The following ASB2 variants were observed in gnomAD, a reference collection of about 807,000 sequenced individuals.
ASB2 encodes ankyrin repeat and SOCS box protein 2.
A neutral mutation model predicts 62.4 loss-of-function variants in ASB2; 58 were observed. That is an observed-to-expected ratio of 0.93 (90% CI 0.75 to 1.16). ASB2 has a LOEUF of 1.16. ASB2 is among the 50% of genes most tolerant of loss of function. ASB2 has a pLI of 0.00. For missense variants in ASB2, 928 were observed against 887.9 expected, an observed-to-expected ratio of 1.05 and a Z score of -0.57; for synonymous variants, 386 against 385.3, an observed-to-expected ratio of 1.00 and a Z score of -0.02.
intron 7 of ASB2, chr14:93,942,081 C>T (rs780953420): frequency 3.6e-5 from 16 of 438,672 alleles, no homozygotes; most frequent in East Asian, 7.1e-5. Context: ...GGAGCGGCCA[C>T]GTTGGTAGCC....
intron 6 of ASB2, 41 bp downstream of exon 6, chr14:93,950,958 C>G (rs550700901): frequency 5.7e-6 from 9 of 1,588,468 alleles, no homozygotes; most frequent in Admixed American, 1.7e-5. Context: ...TCCCGTGTGC[C>G]CTTTGGGGAC....
intron 9 of ASB2, among the ~76,000 whole-genome samples, chr14:93,936,236 G>A (rs924656047): frequency 1.3e-5 from 2 of 152,236 alleles, no homozygotes; most frequent in African/African-American, 4.8e-5. Context: ...CGTGGGGACT[G>A]TCTTGCAGGT....
At chr14:93,970,660 A>T (rs1001539968) in intron 1 of ASB2, among the ~76,000 whole-genome samples, 1 of 152,146 alleles carries the variant, frequency 6.6e-6, no homozygotes, top group Non-Finnish European at 1.5e-5. Flanking sequence ...TAGGATCATG[A>T]CAGTGCTTCA....
chr14:93,970,447 G>A (rs1889728059), intron 1 of ASB2, among the ~76,000 whole-genome samples: 1 of 152,130 alleles, frequency 6.6e-6, no homozygotes, highest in African/African-American at 2.4e-5. Flanking sequence ...CTCCCTGATG[G>A]CTGAGAGTCC....
chr14:93,935,051 G>A (rs1404825570), intron 9 of ASB2, among the ~76,000 whole-genome samples: 3 of 152,172 alleles, frequency 2.0e-5, no homozygotes, highest in East Asian at 1.9e-4. Flanking sequence ...TGCGGAAACC[G>A]AGGCTTAGCA....
chr14:93,938,195 C>CAGGAG (rs1888342623), intron 8 of ASB2, among the ~76,000 whole-genome samples: 1 of 150,494 alleles, frequency 6.6e-6, no homozygotes, highest in Non-Finnish European at 1.5e-5. Flanking sequence ...CAATGAGCTC[C>CAGGAG]AGGAGAGGAG....
intron 2 of ASB2, among the ~76,000 whole-genome samples, chr14:93,962,133 G>C (rs796316542): frequency 1.7e-4 from 1 of 5,944 alleles, no homozygotes; most frequent in Non-Finnish European, 4.3e-4. Flanking sequence ...TTTTTTTTTT[G>C]AGATGGAGTC....
chr14:93,975,139 G>A (rs1411836398), intron 1 of ASB2, among the ~76,000 whole-genome samples: 1 of 152,248 alleles, frequency 6.6e-6, no homozygotes, highest in African/African-American at 2.4e-5. Context: ...GGGCTGTGGC[G>A]GGGGTGCTGG....
At chr14:93,949,841 C>T (rs1424330986) in intron 6 of ASB2, among the ~76,000 whole-genome samples, 1 of 152,154 alleles carries the variant, frequency 6.6e-6, no homozygotes. Flanking sequence ...CTGCCTGTGC[C>T]CCTTTGTTCT....
At chr14:93,943,543 C>G in intron 7 of ASB2, among the ~76,000 whole-genome samples, 1 of 152,184 alleles carries the variant, frequency 6.6e-6, no homozygotes, top group East Asian at 1.9e-4. Context: ...ACTTGGGAGG[C>G]TGAGGAAGGA....
At chr14:93,936,278 T>A (rs1180076512) in intron 9 of ASB2, among the ~76,000 whole-genome samples, 1 of 152,176 alleles carries the variant, frequency 6.6e-6, no homozygotes, top group African/African-American at 2.4e-5. Context: ...CCCAAATAGA[T>A]ATTGGTTAAG....
At chr14:93,937,661 A>G (rs1888317866) in intron 9 of ASB2, 37 bp downstream of exon 9, 1 of 1,587,080 alleles carries the variant, frequency 6.3e-7, no homozygotes, top group African/African-American at 1.3e-5. Flanking sequence ...TCAGGCAGGG[A>G]GATCTGCCAG....
intron 1 of ASB2, among the ~76,000 whole-genome samples, chr14:93,973,498 G>A (rs1448119112): frequency 6.6e-6 from 1 of 152,164 alleles, no homozygotes; most frequent in Non-Finnish European, 1.5e-5. Context: ...GCAATGATGA[G>A]CATCCATTCT....
At chr14:93,942,223 T>C (rs958444642) in intron 7 of ASB2, 4 of 455,974 alleles carry the variant, frequency 8.8e-6, no homozygotes, top group African/African-American at 8.0e-5. Flanking sequence ...TCTCAGAGTA[T>C]AATTGCTCAA....
At chr14:93,956,551 A>C (rs10873443) in intron 3 of ASB2, among the ~76,000 whole-genome samples, 26,907 of 152,186 alleles carry the variant, frequency 0.18, 5,813 homozygotes, top group African/African-American at 0.52. Flanking sequence ...GCCTGGCTGG[A>C]AGTTCCTTGA....
intron 7 of ASB2, among the ~76,000 whole-genome samples, chr14:93,944,706 G>C (rs1888656888): frequency 6.6e-6 from 1 of 152,232 alleles, no homozygotes; most frequent in African/African-American, 2.4e-5. Flanking sequence ...AGCCTTGGGG[G>C]ACAGAGGGAA....
At position 93,934,718 on chromosome 14, in the gene ASB2, GGA is replaced by G; in HGVS notation, c.1844_1845del (p.Leu615ProfsTer12). On this transcript the variant is annotated frameshift_variant, in exon 10 of 10. Coordinates refer to ENST00000555019, the MANE Select transcript of ASB2 (RefSeq NM_001202429.2). LOFTEE classifies it high-confidence loss of function. Reference sequence around the variant, plus strand: ...CTGCCTGGGAGCGGCAAGGTGTCTAGGAGTTTTATACGGTATTTCCCAATGGC... The same window carrying G: ...CTGCCTGGGAGCGGCAAGGTGTCTAGGTTTTATACGGTATTTCCCAATGGC... ...RKAIGKYRIK[L>X]LDTLPLPGRL... is the part of the protein sequence containing the mutation. 6.2e-7 allele frequency: 1 copy of G among 1,614,128 alleles called. No individual in the cohort carries two copies. Among genetic ancestry groups the G allele is most frequent in the Non-Finnish European group, 8.5e-7 (1 of 1,179,942 alleles).
intron 2 of ASB2, chr14:93,957,350 G>C: frequency 1.9e-6 from 2 of 1,027,826 alleles, no homozygotes; most frequent in Non-Finnish European, 2.3e-6. Context: ...CTGTACCTGT[G>C]CCCCCCACGC....
In ASB2 at chr14:93,959,506, G is replaced by T. The variant is rs546142499; in HGVS notation, c.207-2636C>A. ...AAGGCTGGAGGCCCCATTTCCCCTC[G>T]GGCCCCAAGCAGGGGAATTCCCAAC... On this transcript the variant is annotated intron_variant, in intron 2 of 9. Coordinates refer to ENST00000555019, the MANE Select transcript of ASB2 (RefSeq NM_001202429.2). Among the ~76,000 whole-genome samples, 8 of 152,326 alleles carry T rather than the reference G, an allele frequency of 5.3e-5. No homozygotes were observed. In the South Asian group the frequency reaches 1.7e-3, roughly 32 times the overall value.
Sources: gnomAD v4.1 joint callset for allele counts (sites outside exome capture counted in the v4.1 genomes callset) on GRCh38, gnomAD v4.1.1 for gene constraint, MANE v1.5 for transcripts, NCBI Gene and HGNC (gene_info 2026-07-23, HGNC 2026-07-21) for gene names.